The following RPRD1A variants were observed in gnomAD, a reference collection of about 807,000 sequenced individuals.
RPRD1A encodes the protein regulation of nuclear pre-mRNA domain-containing protein 1A.
RPRD1A carries 9 observed loss-of-function variants against 37.8 expected under a neutral mutation model. That is an observed-to-expected ratio of 0.24 (90% CI 0.14 to 0.42). The LOEUF is 0.42. RPRD1A is among the 10% of genes least tolerant of loss of function. The pLI is 1.00. For synonymous variants in RPRD1A, 138 were observed against 139.7 expected (o/e 0.99, Z 0.08); for missense variants, 255 against 371.0 (o/e 0.69, Z 2.57).
rs189648743 is a variant in RPRD1A, at chr18:36,041,172, G to C, written c.152-7335C>G. On this transcript the variant is annotated intron_variant, in intron 1 of 6. Transcript: ENST00000399022. ...GGTTTTCTCAATTATCACCTACACG[G>C]GCTCCATTTATAAACATTTTTAAAA... Among the ~76,000 whole-genome samples, 453 of 151,980 alleles carry C rather than the reference G, an allele frequency of 3.0e-3. 2 individuals are homozygous for C. Among genetic ancestry groups the C allele is most frequent in the Non-Finnish European group, 4.5e-3 (308 of 67,970 alleles).
intron 6 of RPRD1A, among the ~76,000 whole-genome samples, chr18:36,001,463 A>G (rs1909411946): frequency 1.3e-5 from 2 of 152,206 alleles, no homozygotes. Context: ...CTTAGTACAT[A>G]TATTATCCAG....
At chr18:36,009,870 T>A (rs1910061654) in intron 6 of RPRD1A, among the ~76,000 whole-genome samples, 2 of 152,210 alleles carry the variant, frequency 1.3e-5, no homozygotes, top group Non-Finnish European at 2.9e-5. Context: ...GGCTGCCTAG[T>A]GAACAGTGCA....
At chr18:36,019,903 G>C (rs1357786600) in intron 6 of RPRD1A, among the ~76,000 whole-genome samples, 2 of 152,138 alleles carry the variant, frequency 1.3e-5, no homozygotes. Context: ...AGACAGCCGT[G>C]ATGGCGCGCA....
At chr18:36,022,068 T>C (rs896384471) in intron 6 of RPRD1A, among the ~76,000 whole-genome samples, 1 of 152,214 alleles carries the variant, frequency 6.6e-6, no homozygotes, top group African/African-American at 2.4e-5. Flanking sequence ...TGGTGATATG[T>C]AGGAAGTTTC....
At chr18:36,015,680 A>T (rs895432895) in intron 6 of RPRD1A, among the ~76,000 whole-genome samples, 2 of 152,208 alleles carry the variant, frequency 1.3e-5, no homozygotes, top group Non-Finnish European at 2.9e-5. Context: ...AAATTGGATG[A>T]ACCTAGAGGG....
chr18:36,045,817 A>T (rs1377156544), intron 1 of RPRD1A, among the ~76,000 whole-genome samples: 1 of 152,232 alleles, frequency 6.6e-6, no homozygotes, highest in African/African-American at 2.4e-5. Context: ...GAATTAGCCA[A>T]ATGAAATTAG....
At chr18:36,045,204 C>G (rs1912870022) in intron 1 of RPRD1A, among the ~76,000 whole-genome samples, 2 of 152,098 alleles carry the variant, frequency 1.3e-5, no homozygotes, top group African/African-American at 4.8e-5. Flanking sequence ...CGCACCACTG[C>G]ACTCCATCCT....
chr18:36,036,621 T>G (rs1451579510), intron 1 of RPRD1A, among the ~76,000 whole-genome samples: 1 of 152,164 alleles, frequency 6.6e-6, no homozygotes, highest in Admixed American at 6.5e-5. Flanking sequence ...ACTTATGCCC[T>G]TCCCTAAATT....
intron 1 of RPRD1A, among the ~76,000 whole-genome samples, chr18:36,055,720 TAAG>T (rs1598665622): frequency 6.6e-6 from 1 of 151,870 alleles, no homozygotes; most frequent in Non-Finnish European, 1.5e-5. Flanking sequence ...AGAAACAAAA[TAAG>T]AATACACAAG....
chr18:36,024,126 T>C (rs1385912511), intron 6 of RPRD1A, among the ~76,000 whole-genome samples: 1 of 151,986 alleles, frequency 6.6e-6, no homozygotes, highest in African/African-American at 2.4e-5. Flanking sequence ...TAGTCTATTT[T>C]AACAGTTATC....
chr18:36,063,134 T>C (rs1247096711), intron 1 of RPRD1A: 1 of 152,220 alleles, frequency 6.6e-6, no homozygotes, highest in African/African-American at 2.4e-5. Context: ...CATAACTGAA[T>C]GGCTACCATT....
Position 36,015,171 on chromosome 18 carries a change from TATAC to T in RPRD1A, c.789+11725_789+11728del, listed in dbSNP as rs1315346876. On this transcript the variant is annotated intron_variant, in intron 6 of 6. Transcript: ENST00000399022. Reference sequence around the variant, plus strand: ...ACACACACACACATATATACACATATATACACACACACACACACACACACACACA... The same window carrying T: ...ACACACACACACATATATACACATATACACACACACACACACACACACACA... 1.8e-3 allele frequency among the ~76,000 whole-genome samples: 161 copies of T among 90,044 alleles called. 1 individual carries two copies. Among genetic ancestry groups the T allele is most frequent in the African/African-American group, 3.6e-3 (79 of 22,008 alleles). 59.1% of individuals were successfully genotyped at this position (90,044 alleles called of 152,430 possible).
intron 1 of RPRD1A, among the ~76,000 whole-genome samples, chr18:36,058,055 A>AT (rs1212875382): frequency 6.6e-6 from 1 of 152,068 alleles, no homozygotes; most frequent in Non-Finnish European, 1.5e-5. Context: ...AACTTCTTGT[A>AT]TTTTTTGTGA....
At chr18:36,040,713 T>G (rs1269458547) in intron 1 of RPRD1A, 3 of 642,938 alleles carry the variant, frequency 4.7e-6, no homozygotes, top group Non-Finnish European at 7.6e-6. Flanking sequence ...TTCTATGCAG[T>G]ACCTCCTTAC....
chr18:36,023,212 T>C (rs763679139), intron 6 of RPRD1A, among the ~76,000 whole-genome samples: 86 of 152,328 alleles, frequency 5.6e-4, no homozygotes, highest in Non-Finnish European at 7.5e-4. Context: ...GATTCACAAT[T>C]CTAGATGGCA....
intron 1 of RPRD1A, chr18:36,064,549 A>T (rs530617751): frequency 6.6e-6 from 1 of 152,284 alleles, no homozygotes; most frequent in Non-Finnish European, 1.5e-5. Context: ...AAACACACCA[A>T]TCAGCACTCT....
chr18:36,043,196 C>CGG (rs34464375), intron 1 of RPRD1A, among the ~76,000 whole-genome samples: 3,242 of 65,386 alleles, frequency 0.05, 119 homozygotes, highest in African/African-American at 0.1. Flanking sequence ...CAAGAAGAAT[C>CGG]GGGGGGGGGG....
intron 1 of RPRD1A, among the ~76,000 whole-genome samples, chr18:36,057,051 CAAAAAAAAAA>C (rs35428437): frequency 0.02 from 907 of 44,758 alleles, 15 homozygotes; most frequent in African/African-American, 0.072. Context: ...CCTGTTTCTA[CAAAAAAAAAA>C]AAAAAAAAAA....
intron 1 of RPRD1A, among the ~76,000 whole-genome samples, chr18:36,036,696 T>C (rs564026897): frequency 6.6e-6 from 1 of 152,174 alleles, no homozygotes; most frequent in Non-Finnish European, 1.5e-5. Context: ...AAATAATTAA[T>C]GGCGGTAATC....
Sources: allele counts gnomAD v4.1 joint callset (sites outside exome capture counted in the v4.1 genomes callset), GRCh38; gene constraint gnomAD v4.1.1; transcripts MANE v1.5; gene names NCBI Gene and HGNC (gene_info 2026-07-23, HGNC 2026-07-21).